The following ACO2 variants were observed in gnomAD, a reference collection of about 807,000 sequenced individuals.
ACO2 encodes the protein aconitase 2.
ACO2 carries 31 observed loss-of-function variants against 84.5 expected under a neutral mutation model. The observed-to-expected ratio is 0.37, with a 90% CI of 0.28 to 0.50. ACO2 has a LOEUF of 0.50. Among genes scored for constraint, ACO2 ranks in the 20% least tolerant of loss-of-function variants. The pLI is 0.97. For missense variants in ACO2, 685 were observed against 1,029.3 expected, an observed-to-expected ratio of 0.67 and a Z score of 4.58; for synonymous variants, 414 against 412.7, an observed-to-expected ratio of 1.00 and a Z score of -0.04.
rs747714647 is a variant in ACO2, at chr22:41,474,124, T to TG, written c.36+4948dup. ...GCAGAGGAGTCTGGGACTAGGGATC[T>TG]GGGGGGTGGAGATAATGAGATGTAT... On this transcript the variant is annotated intron_variant, in intron 1 of 17. Transcript: ENST00000216254. 6.6e-5 allele frequency among the ~76,000 whole-genome samples: 10 copies of TG among 151,880 alleles called. No individual in the cohort carries two copies. The East Asian group carries it at 9.7e-4, about 15-fold the overall frequency.
intron 15 of ACO2, 22 bp from the exon 16 acceptor site, chr22:41,527,266 C>T (rs781582204): frequency 6.2e-6 from 10 of 1,614,110 alleles, no homozygotes; most frequent in Non-Finnish European, 8.5e-6. Flanking sequence ...GCCTTATAAC[C>T]TTACCCCCGC....
intron 1 of ACO2, among the ~76,000 whole-genome samples, chr22:41,491,079 T>C (rs2066268353): frequency 1.3e-5 from 2 of 151,864 alleles, no homozygotes; most frequent in African/African-American, 4.8e-5. Context: ...AAGTGAAATG[T>C]ATTTGGAGTT....
intron 1 of ACO2, among the ~76,000 whole-genome samples, chr22:41,496,554 A>G (rs2066315013): frequency 6.6e-6 from 1 of 152,178 alleles, no homozygotes; most frequent in African/African-American, 2.4e-5. Flanking sequence ...CCTTAAACCC[A>G]GGGCTCTGCT....
chr22:41,518,375 C>A, intron 7 of ACO2, 106 bp from the exon 8 acceptor site: 1 of 817,254 alleles, frequency 1.2e-6, no homozygotes. Context: ...CTAGTCAGTG[C>A]CCAGGGTGGG....
At chr22:41,495,009 T>C (rs769185981) in intron 1 of ACO2, among the ~76,000 whole-genome samples, 1 of 151,730 alleles carries the variant, frequency 6.6e-6, no homozygotes, top group Non-Finnish European at 1.5e-5. Context: ...GCTGGAATTA[T>C]AGGCGTGAGT....
intron 1 of ACO2, among the ~76,000 whole-genome samples, chr22:41,477,598 G>A: frequency 6.6e-6 from 1 of 152,096 alleles, no homozygotes; most frequent in East Asian, 1.9e-4. Flanking sequence ...CCATTAAATG[G>A]GCACAATGCC....
chr22:41,495,693 T>C (rs1006119553), intron 1 of ACO2, among the ~76,000 whole-genome samples: 1 of 150,894 alleles, frequency 6.6e-6, no homozygotes, highest in Non-Finnish European at 1.5e-5. Context: ...TGATCTCGGC[T>C]CACTGCAAGC....
At chr22:41,523,129 C>G in intron 10 of ACO2, 76 bp from the exon 11 acceptor site, 1 of 1,538,078 alleles carries the variant, frequency 6.5e-7, no homozygotes, top group Non-Finnish European at 8.9e-7. Context: ...GCACTTCGTC[C>G]TGCAGCCACC....
At chr22:41,491,567 G>T (rs1011151459) in intron 1 of ACO2, among the ~76,000 whole-genome samples, 11 of 152,092 alleles carry the variant, frequency 7.2e-5, no homozygotes, top group African/African-American at 2.7e-4. Flanking sequence ...CAGCCACAAG[G>T]GCCTTTAAAA....
At chr22:41,526,483 G>C (rs1569024218) in intron 15 of ACO2, 30 bp downstream of exon 15, 1 of 1,598,018 alleles carries the variant, frequency 6.3e-7, no homozygotes. Flanking sequence ...GGCAATGCCA[G>C]TGGTCACTCC....
chr22:41,489,553 C>T (rs916009427), intron 1 of ACO2, among the ~76,000 whole-genome samples: 2 of 152,144 alleles, frequency 1.3e-5, no homozygotes, highest in African/African-American at 4.8e-5. Context: ...TTGAAGAGAC[C>T]AGGCCAGTTT....
At chr22:41,483,103 G>A (rs1358906893) in intron 1 of ACO2, among the ~76,000 whole-genome samples, 3 of 152,206 alleles carry the variant, frequency 2.0e-5, no homozygotes, top group Non-Finnish European at 4.4e-5. Flanking sequence ...AGAAAGTGGG[G>A]GAAAGTGGAG....
intron 16 of ACO2, 152 bp downstream of exon 16, chr22:41,527,572 A>G (rs1024891855): frequency 5.4e-6 from 6 of 1,109,552 alleles, no homozygotes; most frequent in Non-Finnish European, 6.3e-6. Flanking sequence ...AGGCTCACAC[A>G]GTGCACATCC....
At position 41,494,980 on chromosome 22, in the gene ACO2, C is replaced by T. The variant is rs142012429; in HGVS notation, c.37-4746C>T. ...AACTCCTGACCTCAGGTGATCCACT[C>T]GCCTCAGCCTCTCAAAGTGCTGGAA... On this transcript the variant is annotated intron_variant, in intron 1 of 17. Transcript: ENST00000216254. Among the ~76,000 whole-genome samples, 1,074 of 151,934 alleles carry T rather than the reference C, an allele frequency of 7.1e-3. 16 individuals carry two copies. Among genetic ancestry groups the T allele is most frequent in the African/African-American group, 0.024 (994 of 41,432 alleles).
chr22:41,508,163 T>C (rs1287758312), intron 3 of ACO2, 114 bp downstream of exon 3: 6 of 1,338,204 alleles, frequency 4.5e-6, no homozygotes, highest in Non-Finnish European at 6.1e-6. Flanking sequence ...CCTCTTTGGA[T>C]TGGTCTGCTT....
rs2066354167 is a variant in ACO2 at position 41,501,605 on chromosome 22, C to A, written c.173+1743C>A. ...TGTGCCCTTGCCTGCCTGGTGGCTT[C>A]TTTGATACTGACAGTGGTGATCCTG... On this transcript the variant is annotated intron_variant, in intron 2 of 17. Coordinates refer to ENST00000216254, the MANE Select transcript of ACO2 (RefSeq NM_001098.3). 2.0e-5 allele frequency among the ~76,000 whole-genome samples: 3 copies of A among 152,164 alleles called. No individual in the cohort carries two copies. In the South Asian group the frequency reaches 6.2e-4, roughly 31 times the overall value.
intron 1 of ACO2, among the ~76,000 whole-genome samples, chr22:41,483,619 C>T (rs1242823539): frequency 2.0e-5 from 3 of 150,734 alleles, no homozygotes; most frequent in Non-Finnish European, 2.9e-5. Context: ...GTTGCGCCAC[C>T]GTATTCCAGC....
intron 1 of ACO2, among the ~76,000 whole-genome samples, chr22:41,484,729 A>G (rs192950258): frequency 8.7e-4 from 132 of 152,300 alleles, no homozygotes; most frequent in African/African-American, 3.0e-3. Flanking sequence ...CATGCCTCAC[A>G]GTAACTCAGA....
At chr22:41,494,775 C>G (rs2066301215) in intron 1 of ACO2, among the ~76,000 whole-genome samples, 1 of 151,696 alleles carries the variant, frequency 6.6e-6, no homozygotes, top group Admixed American at 6.6e-5. Flanking sequence ...ACTCTGTCAC[C>G]CAGGCTGGAG....
Sources: allele counts gnomAD v4.1 joint callset (sites outside exome capture counted in the v4.1 genomes callset), GRCh38; gene constraint gnomAD v4.1.1; transcripts MANE v1.5; gene names NCBI Gene and HGNC (gene_info 2026-07-23, HGNC 2026-07-21).